Variants in NLRP5 observed in about 807,000 individuals in gnomAD.
NLRP5 encodes the protein NACHT, LRR and PYD domains-containing protein 5.
Under a neutral mutation model 113.1 loss-of-function variants are expected in NLRP5, and 93 were observed. The ratio of observed to expected loss-of-function variants is 0.82; its 90% CI spans 0.70 to 0.98. The LOEUF is 0.98. Ranked by LOEUF, NLRP5 falls within the 50% of genes least tolerant of loss-of-function variation. The pLI is 0.00. For synonymous variants in NLRP5, 751 were observed against 600.7 expected, an observed-to-expected ratio of 1.25 and a Z score of -3.66; for missense variants, 1,808 against 1,514.3, an observed-to-expected ratio of 1.19 and a Z score of -3.22.
chr19:56,056,764 A>T (rs1173966045), intron 13 of NLRP5, among the ~76,000 whole-genome samples: 1 of 152,180 alleles, frequency 6.6e-6, no homozygotes, highest in Non-Finnish European at 1.5e-5. Flanking sequence ...AAAATGAAAA[A>T]TAAGCATTCA....
Position 56,041,003 on chromosome 19 carries a change from G to A in NLRP5, c.2868G>A (p.Leu956=). The A allele has an allele frequency of 6.2e-7, 1 of 1,613,990 alleles. No homozygotes were observed. The highest frequency in any genetic ancestry group is 8.5e-7 in the Non-Finnish European group (1 of 1,179,878). Residue 956 remains leucine, a synonymous_variant, in exon 11 of 15, where the codon CTG becomes CTA. Coordinates refer to ENST00000390649, the MANE Select transcript of NLRP5 (RefSeq NM_153447.4). ...TCAGCAACCGGAGCTTGACACACCT[G>A]TGCCTATCCAACAACAGCCTGGGGA... is the stretch of plus-strand genomic sequence containing the variant.
chr19:56,026,124 G>A (rs1374241938), intron 6 of NLRP5, among the ~76,000 whole-genome samples: 1 of 152,126 alleles, frequency 6.6e-6, no homozygotes, highest in East Asian at 1.9e-4. Flanking sequence ...CGAAGAGTGA[G>A]CATGTTCTCA....
At chr19:55,996,458 C>T (rs1467952371), upstream of NLRP5, among the ~76,000 whole-genome samples, 1 of 152,142 alleles carries the variant, frequency 6.6e-6, no homozygotes, top group Non-Finnish European at 1.5e-5. Context: ...CCCATTAACT[C>T]ATCATTTACA....
chr19:56,053,630 T>A lies in NLRP5; in HGVS notation c.3129-8T>A. The A allele has an allele frequency of 6.2e-7, 1 of 1,611,298 alleles. No homozygotes were observed. The highest frequency in any genetic ancestry group is 8.5e-7 in the Non-Finnish European group (1 of 1,178,220). On this transcript the variant is annotated splice_polypyrimidine_tract_variant and splice_region_variant and intron_variant, in intron 12 of 14. Coordinates refer to ENST00000390649, the MANE Select transcript of NLRP5 (RefSeq NM_153447.4). ...AGGCAGACTCTCTCTATTCCCCGCC[T>A]CTTGCAGGTTGGTAAAGTGTCATCT...
At chr19:55,993,844 C>T in the NLRP5 span, among the ~76,000 whole-genome samples, 2 of 150,938 alleles carry the variant, frequency 1.3e-5, no homozygotes, top group African/African-American at 4.9e-5. Context: ...AAGGCTGAAA[C>T]ATGTTCCCTT....
At chr19:56,013,640 T>C (rs1177271694) in intron 3 of NLRP5, among the ~76,000 whole-genome samples, 1 of 139,042 alleles carries the variant, frequency 7.2e-6, no homozygotes, top group Non-Finnish European at 1.5e-5. Context: ...GATGCAGCTA[T>C]GGATTCCCAC....
the NLRP5 span, among the ~76,000 whole-genome samples, chr19:55,991,991 C>T: frequency 6.6e-6 from 1 of 152,040 alleles, no homozygotes; most frequent in Non-Finnish European, 1.5e-5. Context: ...AGTACCCAGT[C>T]GTTATTTCTT....
intron 5 of NLRP5, among the ~76,000 whole-genome samples, chr19:56,019,609 A>G (rs566974410): frequency 6.6e-6 from 1 of 152,248 alleles, no homozygotes; most frequent in East Asian, 1.9e-4. Context: ...GTCAGATACT[A>G]TGAAGACAAA....
chr19:55,987,133 C>G, the NLRP5 span, among the ~76,000 whole-genome samples: 1 of 152,194 alleles, frequency 6.6e-6, no homozygotes, highest in Non-Finnish European at 1.5e-5. Flanking sequence ...CTTTGGGAGG[C>G]CGAGGCAGGT....
chr19:55,993,981 G>A, the NLRP5 span, among the ~76,000 whole-genome samples: 11 of 152,032 alleles, frequency 7.2e-5, no homozygotes, highest in African/African-American at 2.7e-4. Context: ...TATACTTCGG[G>A]TAAATCACCA....
chr19:56,010,980 G>A (rs12462984), intron 3 of NLRP5, among the ~76,000 whole-genome samples: 48 of 151,198 alleles, frequency 3.2e-4, no homozygotes, highest in Admixed American at 3.0e-3. Context: ...AGCAAGACCC[G>A]ACGTCTACCA....
At chr19:55,998,728 A>ATATATGTG (rs1262553481), upstream of NLRP5, among the ~76,000 whole-genome samples, 1 of 130,344 alleles carries the variant, frequency 7.7e-6, no homozygotes, top group African/African-American at 3.2e-5. Flanking sequence ...ATATATATAT[A>ATATATGTG]TGTGTATATA....
At chr19:56,031,677 G>A (rs1229511064) in intron 7 of NLRP5, among the ~76,000 whole-genome samples, 1 of 149,952 alleles carries the variant, frequency 6.7e-6, no homozygotes, top group African/African-American at 2.5e-5. Context: ...TGCAGTATTT[G>A]TCCTTTTGTG....
At chr19:55,998,672 GTATATATATATATATATATATATATATA>G (rs368326842), upstream of NLRP5, among the ~76,000 whole-genome samples, 28 of 105,958 alleles carry the variant, frequency 2.6e-4, no homozygotes, top group African/African-American at 7.9e-4. Flanking sequence ...GTGTGTGTGT[GTATATATATATATATATATATATATATA>G]TATGTGTGTG....
chr19:56,024,769 ATCT>A (rs1199394515), intron 6 of NLRP5, among the ~76,000 whole-genome samples: 1 of 151,458 alleles, frequency 6.6e-6, no homozygotes, highest in East Asian at 1.9e-4. Context: ...AAAAAAAAAA[ATCT>A]TCATCAGGTG....
the NLRP5 span, among the ~76,000 whole-genome samples, chr19:55,987,298 A>T: frequency 6.6e-6 from 1 of 152,236 alleles, no homozygotes; most frequent in Non-Finnish European, 1.5e-5. Flanking sequence ...TTAACCCAGG[A>T]GGCAGAGGTT....
intron 3 of NLRP5, among the ~76,000 whole-genome samples, chr19:56,009,339 C>CAAAAAAAAAAAAATAAAAAA (rs1982088468): frequency 2.3e-5 from 1 of 44,304 alleles, no homozygotes; most frequent in Non-Finnish European, 3.9e-5. Context: ...GACTCCATCT[C>CAAAAAAAAAAAAATAAAAAA]AAAAAAAAAA....
intron 9 of NLRP5, 33 bp from the exon 10 acceptor site, chr19:56,037,992 G>A (rs1983381314): frequency 1.2e-6 from 2 of 1,611,968 alleles, no homozygotes; most frequent in African/African-American, 1.3e-5. Context: ...TTGGACAAGA[G>A]CTGGGATTGC....
At chr19:56,015,848 G>A in intron 4 of NLRP5, 50 bp downstream of exon 4, 4 of 1,421,796 alleles carry the variant, frequency 2.8e-6, no homozygotes, top group Non-Finnish European at 3.8e-6. Flanking sequence ...AGAAAGTTGG[G>A]TGAGAGAAGT....
Sources: allele counts gnomAD v4.1 joint callset (sites outside exome capture counted in the v4.1 genomes callset), GRCh38; gene constraint gnomAD v4.1.1; transcripts MANE v1.5; gene names NCBI Gene and HGNC (gene_info 2026-07-23, HGNC 2026-07-21).